The following DCAF8L2 variants were observed in gnomAD, a reference collection of about 807,000 sequenced individuals.
DCAF8L2 encodes the protein DDB1- and CUL4-associated factor 8-like protein 2.
For synonymous variants in DCAF8L2, 200 were observed against 190.9 expected, an observed-to-expected ratio of 1.05 and a Z score of -0.39; for missense variants, 430 against 490.7, an observed-to-expected ratio of 0.88 and a Z score of 1.17.
chrX:27,601,246 C>T (rs1194270743), intron 1 of DCAF8L2, among the ~76,000 whole-genome samples: 1 of 112,204 alleles, frequency 8.9e-6, no homozygotes, highest in Non-Finnish European at 1.9e-5. Context: ...TTTCTTTCTC[C>T]AGTTCCCCTT....
chrX:27,712,070 TTTTC>T (rs1186540456), intron 3 of DCAF8L2, among the ~76,000 whole-genome samples: 2 of 111,324 alleles, frequency 1.8e-5, no homozygotes, highest in Non-Finnish European at 3.8e-5. Context: ...GATATTGGGA[TTTTC>T]TTTCTATCAT....
chrX:27,726,263 CTCTT>C (rs1331100203), intron 4 of DCAF8L2, among the ~76,000 whole-genome samples: 8 of 111,393 alleles, frequency 7.2e-5, no homozygotes, highest in Non-Finnish European at 1.5e-4. Context: ...TTCTTAACAA[CTCTT>C]TCTTTCTCTA....
chrX:27,527,664 G>A, the DCAF8L2 span, among the ~76,000 whole-genome samples: 2 of 109,502 alleles, frequency 1.8e-5, no homozygotes, highest in African/African-American at 3.3e-5. Context: ...TGGAACCTCC[G>A]GATTTTTTTT....
the DCAF8L2 span, among the ~76,000 whole-genome samples, chrX:27,539,650 C>T: frequency 0.45 from 49,250 of 110,176 alleles, 9,202 homozygotes; most frequent in South Asian, 0.69. Context: ...AATCTACATT[C>T]TGTGTCTGTG....
chrX:27,521,638 TA>T, the DCAF8L2 span, among the ~76,000 whole-genome samples: 1 of 111,908 alleles, frequency 8.9e-6, no homozygotes, highest in African/African-American at 3.2e-5. Context: ...ACCATGAAAA[TA>T]TTTATATATA....
chrX:27,661,821 T>A (rs182883806), intron 2 of DCAF8L2, among the ~76,000 whole-genome samples: 1 of 111,614 alleles, frequency 9.0e-6, no homozygotes, highest in Non-Finnish European at 1.9e-5. Context: ...CAGTGAGAAA[T>A]ATTTCACTCA....
At chrX:27,486,496 T>C in the DCAF8L2 span, among the ~76,000 whole-genome samples, 1 of 112,058 alleles carries the variant, frequency 8.9e-6, no homozygotes, top group African/African-American at 3.2e-5. Context: ...CATTCTGCAA[T>C]TTTATTGAGG....
chrX:27,510,238 C>T, the DCAF8L2 span, among the ~76,000 whole-genome samples: 1 of 110,376 alleles, frequency 9.1e-6, no homozygotes, highest in South Asian at 3.8e-4. Flanking sequence ...AAAACTAAAG[C>T]CTCCCTGTCA....
chrX:27,477,582 C>T, the DCAF8L2 span, among the ~76,000 whole-genome samples: 3 of 112,035 alleles, frequency 2.7e-5, no homozygotes, highest in Non-Finnish European at 5.6e-5. Flanking sequence ...CCACTGCGCC[C>T]GGCCTCTTTA....
chrX:27,533,940 G>A, the DCAF8L2 span, among the ~76,000 whole-genome samples: 1 of 112,186 alleles, frequency 8.9e-6, no homozygotes, highest in South Asian at 3.6e-4. Flanking sequence ...AGCACATGGT[G>A]GCTCAGGCCT....
the DCAF8L2 span, among the ~76,000 whole-genome samples, chrX:27,537,242 CATAAAGA>C: frequency 1.8e-5 from 2 of 111,978 alleles, no homozygotes; most frequent in Non-Finnish European, 3.8e-5. Context: ...CATATGAAAT[CATAAAGA>C]ATAAAGTCTT....
chrX:27,625,956 G>A (rs1927988250), intron 1 of DCAF8L2, among the ~76,000 whole-genome samples: 2 of 111,195 alleles, frequency 1.8e-5, no homozygotes, highest in African/African-American at 6.5e-5. Flanking sequence ...CCAAACACCT[G>A]TGATACACAA....
the DCAF8L2 span, among the ~76,000 whole-genome samples, chrX:27,501,230 C>G: frequency 1.9e-5 from 2 of 103,155 alleles, no homozygotes; most frequent in African/African-American, 7.0e-5. Context: ...GCTCCTCGTC[C>G]TACCTCCCCC....
the DCAF8L2 span, among the ~76,000 whole-genome samples, chrX:27,584,400 G>T: frequency 9.1e-6 from 1 of 110,025 alleles, no homozygotes; most frequent in Non-Finnish European, 1.9e-5. Flanking sequence ...CAGATTCAGG[G>T]ATATTCTGCT....
chrX:27,469,369 T>C, the DCAF8L2 span, among the ~76,000 whole-genome samples: 2 of 112,101 alleles, frequency 1.8e-5, no homozygotes, highest in African/African-American at 6.5e-5. Flanking sequence ...CTAATTACCC[T>C]ATAGCCATGT....
chrX:27,587,730 C>T (rs1925930704), upstream of DCAF8L2, among the ~76,000 whole-genome samples: 1 of 110,497 alleles, frequency 9.1e-6, no homozygotes, highest in Admixed American at 9.7e-5. Flanking sequence ...AGTATATGTA[C>T]TGCTTTTTCA....
At chrX:27,700,209 A>G (rs1393360050) in intron 3 of DCAF8L2, among the ~76,000 whole-genome samples, 3 of 111,342 alleles carry the variant, frequency 2.7e-5, no homozygotes, top group Admixed American at 1.9e-4. Flanking sequence ...CTTCAGACCA[A>G]TGTATCTAAA....
At chrX:27,563,367 C>A in the DCAF8L2 span, among the ~76,000 whole-genome samples, 1 of 112,029 alleles carries the variant, frequency 8.9e-6, no homozygotes, top group East Asian at 2.8e-4. Context: ...CTGTGACAGT[C>A]ACTTAATTTC....
chrX:27,510,775 C>T, the DCAF8L2 span, among the ~76,000 whole-genome samples: 3 of 110,724 alleles, frequency 2.7e-5, no homozygotes, highest in African/African-American at 9.8e-5. Flanking sequence ...TCCATCTGCT[C>T]AATATTTTAT....
Sources: gnomAD v4.1 joint callset for allele counts (sites outside exome capture counted in the v4.1 genomes callset) on GRCh38, gnomAD v4.1.1 for gene constraint, MANE v1.5 for transcripts, NCBI Gene and HGNC (gene_info 2026-07-23, HGNC 2026-07-21) for gene names.